The following CLPTM1L variants were observed in gnomAD, a reference collection of about 807,000 sequenced individuals.
CLPTM1L encodes the protein lipid scramblase CLPTM1L.
In CLPTM1L, 38 loss-of-function variants were observed where a neutral mutation model predicts 70.9. The ratio of observed to expected loss-of-function variants is 0.54; its 90% CI spans 0.41 to 0.70. The LOEUF (loss-of-function observed/expected upper bound fraction) is 0.70. CLPTM1L is among the 30% of genes least tolerant of loss of function. The pLI is 0.00. For synonymous variants in CLPTM1L, 339 were observed against 299.9 expected (o/e 1.13, Z -1.35); for missense variants, 652 against 705.9 (o/e 0.92, Z 0.87).
At chr5:1,328,885 CCATCCAGCTCCTCCTCTACAGACACATTT>C (rs1561237532) in intron 9 of CLPTM1L, among the ~76,000 whole-genome samples, 10 of 137,052 alleles carry the variant, frequency 7.3e-5, no homozygotes, top group Non-Finnish European at 9.3e-5. Context: ...CAGACACATT[CCATCCAGCTCCTCCTCTACAGACACATTT>C]CATCCAGCTC....
chr5:1,331,575 AGCCGCTGGAGGCCCTGAGCCG>A, intron 8 of CLPTM1L: 2 of 403,312 alleles, frequency 5.0e-6, no homozygotes, highest in Admixed American at 1.2e-4. Flanking sequence ...TGAGCTGTGC[AGCCGCTGGAGGCCCTGAGCCG>A]TGCAGCCTCT....
intron 7 of CLPTM1L, 129 bp downstream of exon 7, chr5:1,334,160 G>A (rs1753394325): frequency 6.4e-6 from 4 of 628,386 alleles, no homozygotes; most frequent in Non-Finnish European, 1.1e-5. Flanking sequence ...CTGAGTGATG[G>A]GAGTGGACAC....
Position 1,338,005 on chromosome 5 carries a change from C to A in CLPTM1L, c.600-23G>T, listed in dbSNP as rs1377242992. 7.0e-6 allele frequency: 11 copies of A among 1,580,262 alleles called. No individual in the cohort carries two copies. In the East Asian group the frequency reaches 1.6e-4, roughly 23 times the overall value. Reference sequence around the variant, plus strand: ...ATCCTGGGATTAAAGCACAACTTTCCAAAGTCAGCACCAAGGCTTTTACCT... The same window carrying A: ...ATCCTGGGATTAAAGCACAACTTTCAAAAGTCAGCACCAAGGCTTTTACCT... On this transcript the variant is annotated intron_variant, in intron 4 of 16. Transcript: ENST00000320895.
chr5:1,326,756 CAG>C (rs1752594214), intron 9 of CLPTM1L, among the ~76,000 whole-genome samples: 2 of 151,262 alleles, frequency 1.3e-5, no homozygotes, highest in Admixed American at 6.6e-5. Flanking sequence ...TCCTCCTCTA[CAG>C]GGACAATCCA....
In CLPTM1L at chr5:1,321,667, C is replaced by T. The variant is rs766105069; in HGVS notation, c.1384G>A (p.Ala462Thr). The change falls in exon 15 of 17, where the codon GCA becomes ACA. Residue 462 changes from alanine (A) to threonine (T), a missense_variant. Ala to Thr is a moderately conservative substitution (Grantham distance 58). Around this residue, in one of 3 missense-constraint regions of CLPTM1L, gnomAD observed 240 missense variants for 295.0 expected, o/e 0.81. Transcript: ENST00000320895. ...GTGAAGGCCTTCCAGGGCAGATGTG[C>T]CACTGACTTCAACTGAAACAGGAGA... ...LFVNYKLKSV[A>T]HLPWKAFTYK... is the part of the protein sequence containing the mutation. 6.2e-7 allele frequency: 1 copy of T among 1,613,942 alleles called. No homozygotes were observed. The highest frequency in any genetic ancestry group is 8.5e-7 in the Non-Finnish European group (1 of 1,180,010).
rs1444461252 is a variant in CLPTM1L at position 1,331,846 on chromosome 5, C to G, written c.929G>C (p.Ser310Thr). 2 of 1,613,478 alleles carry G rather than the reference C, an allele frequency of 1.2e-6. No homozygotes were observed. ...CATGCTCTTCTTCTTCTTCCAGAAACTGATGTCATTTTTAAAGGCCAGGAA... is the reference window on the plus strand; with the variant it reads ...CATGCTCTTCTTCTTCTTCCAGAAAGTGATGTCATTTTTAAAGGCCAGGAA... ...FDFLAFKNDI[S>T]FWKKKKSMIG... is the part of the protein sequence containing the mutation. Residue 310 changes from serine (S) to threonine (T), a missense_variant, in exon 8 of 17, where the codon AGT becomes ACT. Coordinates refer to ENST00000320895, the MANE Select transcript of CLPTM1L (RefSeq NM_030782.5).
chr5:1,319,907 C>T (rs1282026740), intron 16 of CLPTM1L, among the ~76,000 whole-genome samples: 1 of 152,242 alleles, frequency 6.6e-6, no homozygotes, highest in Non-Finnish European at 1.5e-5. Flanking sequence ...CCCCAGATCC[C>T]TGGCTCCTAC....
chr5:1,339,230 C>A (rs1257580770), intron 3 of CLPTM1L, among the ~76,000 whole-genome samples: 1 of 140,390 alleles, frequency 7.1e-6, no homozygotes, highest in Non-Finnish European at 1.5e-5. Flanking sequence ...AACGGCCACA[C>A]AGACGGGCAA....
intron 2 of CLPTM1L, 61 bp downstream of exon 2, chr5:1,344,290 T>C (rs545758490): frequency 2.6e-6 from 3 of 1,163,322 alleles, no homozygotes; most frequent in Non-Finnish European, 2.6e-6. Context: ...AGCTAACTTT[T>C]AAACAATCTG....
intron 5 of CLPTM1L, among the ~76,000 whole-genome samples, chr5:1,337,561 C>T (rs528694793): frequency 6.6e-6 from 1 of 152,230 alleles, no homozygotes; most frequent in Non-Finnish European, 1.5e-5. Context: ...ACATGGCACA[C>T]CAGGAGCTCA....
intron 8 of CLPTM1L, chr5:1,331,412 G>T: frequency 3.8e-6 from 1 of 265,500 alleles, no homozygotes; most frequent in Non-Finnish European, 7.3e-6. Flanking sequence ...AACACCGGCG[G>T]GAGGACGGGG....
At chr5:1,333,254 A>T (rs1315513562) in intron 7 of CLPTM1L, among the ~76,000 whole-genome samples, 2 of 90,436 alleles carry the variant, frequency 2.2e-5, no homozygotes, top group Non-Finnish European at 4.3e-5. Context: ...TACACACCAG[A>T]TAAGGGGGGA....
chr5:1,344,859 C>G lies in CLPTM1L; in HGVS notation c.-18G>C. On this transcript the variant is annotated 5_prime_UTR_variant, in exon 1 of 17. Coordinates refer to ENST00000320895, the MANE Select transcript of CLPTM1L (RefSeq NM_030782.5). The stretch of plus-strand genomic sequence containing the variant: ...CTCCACATGGCGGCCCCGCGCCCGG[C>G]GCCCCCGGCCCGCCCGCCTCTCAGC... 1.4e-6 allele frequency: 2 copies of G among 1,407,042 alleles called. No individual in the cohort carries two copies. The highest frequency in any genetic ancestry group is 1.9e-6 in the Non-Finnish European group (2 of 1,073,514). 87.2% of individuals were successfully genotyped at this position (1,407,042 alleles called of 1,614,324 possible). A position where few individuals can be genotyped will look rare whatever the true frequency, so the allele number is the denominator to read the frequency against.
rs551889091 is a variant in CLPTM1L, at chr5:1,330,166, G to A, written c.1080+114C>T. 1.1e-5 allele frequency: 9 copies of A among 844,172 alleles called. No individual in the cohort carries two copies. In the South Asian group the frequency reaches 1.4e-4, roughly 13 times the overall value. 52.3% of individuals were successfully genotyped at this position (844,172 alleles called of 1,614,324 possible). A position where few individuals can be genotyped will look rare whatever the true frequency, so the allele number is the denominator to read the frequency against. ...AGCTTCCAGAACACTGAGGCCATCGGGAACAAGCACACAGGCTTCCACAGA... is the reference window on the plus strand; with the variant it reads ...AGCTTCCAGAACACTGAGGCCATCGAGAACAAGCACACAGGCTTCCACAGA... On this transcript the variant is annotated intron_variant, in intron 9 of 16. Transcript: ENST00000320895.
At chr5:1,319,441 G>A (rs1045168611) in intron 16 of CLPTM1L, among the ~76,000 whole-genome samples, 3 of 152,242 alleles carry the variant, frequency 2.0e-5, no homozygotes, top group Non-Finnish European at 2.9e-5. Context: ...AACTGCACCC[G>A]AACAAAGAGT....
At chr5:1,338,047 A>G in intron 4 of CLPTM1L, 65 bp from the exon 5 acceptor site, 1 of 1,310,078 alleles carries the variant, frequency 7.6e-7, no homozygotes, top group Non-Finnish European at 1.1e-6. Flanking sequence ...GAATGAACAC[A>G]TCCAGACACT....
intron 7 of CLPTM1L, among the ~76,000 whole-genome samples, chr5:1,334,047 A>G (rs1056099861): frequency 3.3e-5 from 5 of 152,150 alleles, no homozygotes; most frequent in African/African-American, 7.2e-5. Context: ...GCACAGCCCA[A>G]GTCGCCAAGG....
intron 2 of CLPTM1L, among the ~76,000 whole-genome samples, chr5:1,343,078 C>T (rs998297638): frequency 1.3e-5 from 2 of 152,236 alleles, no homozygotes; most frequent in Middle Eastern, 3.4e-3. Context: ...GTAGTCTCAG[C>T]TACTTTGGAG....
In CLPTM1L at chr5:1,335,146, G is replaced by C. The variant is rs1341934740; in HGVS notation, c.707C>G (p.Pro236Arg). ...MVINRSTTEL[P>R]LTVSYDKVSL... ...GACCTTGTCGTAGGACACGGTGAGG[G>C]GCAGCTCGGTGGTGGAGCGGTTTAT... Residue 236 changes from proline to arginine, a missense_variant, in exon 6 of 17, where the codon CCC (proline) becomes CGC (arginine). Physicochemically the swap from Pro to Arg is moderately radical, Grantham distance 103. Around this residue, in one of 3 missense-constraint regions of CLPTM1L, gnomAD observed 402 missense variants for 388.2 expected, o/e 1.04. Transcript: ENST00000320895. The C allele has an allele frequency of 1.2e-6, 2 of 1,613,594 alleles. No individual in the cohort carries two copies. Among genetic ancestry groups the C allele is most frequent in the Non-Finnish European group, 1.7e-6 (2 of 1,180,018 alleles).
Sources: allele counts gnomAD v4.1 joint callset (sites outside exome capture counted in the v4.1 genomes callset), GRCh38; gene constraint gnomAD v4.1.1; regional missense constraint gnomAD v4.1.1; transcripts MANE v1.5; gene names NCBI Gene and HGNC (gene_info 2026-07-23, HGNC 2026-07-21).